RABGAP1L: variants seen among roughly 807,000 people sequenced by gnomAD.
RABGAP1L encodes the protein RAB GTPase activating protein 1 like, also known as rab GTPase-activating protein 1-like.
A neutral mutation model predicts 137.7 loss-of-function variants in RABGAP1L; 63 were observed. The observed-to-expected ratio is 0.46, with a 90% CI of 0.37 to 0.56. The LOEUF (loss-of-function observed/expected upper bound fraction) is 0.56, where lower values mean the gene tolerates loss of function less well. RABGAP1L is among the 20% of genes least tolerant of loss of function. The pLI is 0.00. For synonymous variants in RABGAP1L, 431 were observed against 433.7 expected (o/e 0.99, Z 0.08); for missense variants, 1,095 against 1,244.0 (o/e 0.88, Z 1.80).
chr1:174,971,306 AAATT>A (rs1437408721), intron 21 of RABGAP1L, among the ~76,000 whole-genome samples: 1 of 151,404 alleles, frequency 6.6e-6, no homozygotes, highest in Non-Finnish European at 1.5e-5. Context: ...AATCAGAAAA[AAATT>A]ATTATCTTAA....
intron 12 of RABGAP1L, among the ~76,000 whole-genome samples, chr1:174,383,155 C>T (rs1334109309): frequency 6.6e-6 from 1 of 151,016 alleles, no homozygotes; most frequent in Non-Finnish European, 1.5e-5. Flanking sequence ...GTTCTCAGAT[C>T]TCCAGCTGCG....
chr1:174,464,626 G>A (rs911186740), intron 13 of RABGAP1L, among the ~76,000 whole-genome samples: 4 of 151,716 alleles, frequency 2.6e-5, no homozygotes, highest in Admixed American at 1.3e-4. Flanking sequence ...AGCCCTGTCT[G>A]TTTAATAAAT....
chr1:174,826,008 T>G (rs1439966952), intron 19 of RABGAP1L, among the ~76,000 whole-genome samples: 3 of 152,172 alleles, frequency 2.0e-5, no homozygotes, highest in Admixed American at 6.5e-5. Flanking sequence ...GATAGTGAGC[T>G]TGGTGCGCAA....
chr1:174,808,948 A>C (rs1337325499), intron 18 of RABGAP1L, among the ~76,000 whole-genome samples: 1 of 152,024 alleles, frequency 6.6e-6, no homozygotes, highest in African/African-American at 2.4e-5. Context: ...TGAGCCACCA[A>C]GCACGGCCTC....
At chr1:174,576,398 A>G (rs186015955) in intron 13 of RABGAP1L, among the ~76,000 whole-genome samples, 7 of 152,164 alleles carry the variant, frequency 4.6e-5, no homozygotes, top group South Asian at 4.1e-4. Context: ...TCCCAGAGCT[A>G]TGAACATCTG....
At chr1:174,217,056 A>G (rs1386027321) in intron 1 of RABGAP1L, among the ~76,000 whole-genome samples, 1 of 152,142 alleles carries the variant, frequency 6.6e-6, no homozygotes, top group Non-Finnish European at 1.5e-5. Flanking sequence ...AGACAGAAAA[A>G]TGGATAGATG....
At chr1:174,362,072 A>G (rs542800223) in intron 11 of RABGAP1L, among the ~76,000 whole-genome samples, 1 of 152,238 alleles carries the variant, frequency 6.6e-6, no homozygotes, top group East Asian at 1.9e-4. Context: ...GCTAAGGATG[A>G]TGGTCTCCAT....
At chr1:174,464,025 T>C (rs1657014727) in intron 13 of RABGAP1L, among the ~76,000 whole-genome samples, 1 of 152,212 alleles carries the variant, frequency 6.6e-6, no homozygotes, top group Non-Finnish European at 1.5e-5. Flanking sequence ...AAGTATAATT[T>C]AATATATGAT....
At chr1:174,906,408 A>G (rs190318087) in intron 19 of RABGAP1L, among the ~76,000 whole-genome samples, 3 of 152,270 alleles carry the variant, frequency 2.0e-5, no homozygotes, top group Non-Finnish European at 4.4e-5. Context: ...CAGGCGGATC[A>G]CATGAGGTCA....
intron 13 of RABGAP1L, among the ~76,000 whole-genome samples, chr1:174,431,961 A>G (rs1177010467): frequency 1.3e-5 from 2 of 152,164 alleles, no homozygotes; most frequent in Admixed American, 6.5e-5. Flanking sequence ...TTTTAAAGAA[A>G]TAGTTTCAAC....
intron 19 of RABGAP1L, among the ~76,000 whole-genome samples, chr1:174,813,624 C>A (rs1246434379): frequency 6.6e-6 from 1 of 152,224 alleles, no homozygotes; most frequent in African/African-American, 2.4e-5. Flanking sequence ...TCAAAGAGAT[C>A]ATTTTCCAAA....
chr1:174,731,722 T>G (rs548305435), intron 17 of RABGAP1L, among the ~76,000 whole-genome samples: 1 of 152,330 alleles, frequency 6.6e-6, no homozygotes, highest in East Asian at 1.9e-4. Flanking sequence ...AAGGCTAGAT[T>G]CTATAGGCAT....
chr1:174,722,408 A>G (rs755646745), intron 17 of RABGAP1L, among the ~76,000 whole-genome samples: 1 of 151,954 alleles, frequency 6.6e-6, no homozygotes, highest in Non-Finnish European at 1.5e-5. Flanking sequence ...GTCTCGGAAC[A>G]TGAATATGAC....
At position 174,537,105 on chromosome 1, in the gene RABGAP1L, C is replaced by A. The variant is rs572782103; in HGVS notation, c.1711-100270C>A. On this transcript the variant is annotated intron_variant, in intron 13 of 25. Coordinates refer to ENST00000681986, the MANE Select transcript of RABGAP1L (RefSeq NM_001366446.1). ...TGCCTTTTTTCTCTCCCACACCAAA[C>A]TATAAAGATAATTTCATAAACCTCT... Among the ~76,000 whole-genome samples, 3 of 152,232 alleles carry A rather than the reference C, an allele frequency of 2.0e-5. No homozygotes were observed. The East Asian group carries it at 5.8e-4, about 29-fold the overall frequency.
intron 14 of RABGAP1L, among the ~76,000 whole-genome samples, chr1:174,656,003 T>C (rs1675939274): frequency 6.6e-6 from 1 of 152,224 alleles, no homozygotes; most frequent in Non-Finnish European, 1.5e-5. Flanking sequence ...TAAATATGTT[T>C]ATTGTTATAG....
chr1:174,898,266 G>T (rs1657568333), intron 19 of RABGAP1L, among the ~76,000 whole-genome samples: 1 of 152,204 alleles, frequency 6.6e-6, no homozygotes, highest in South Asian at 2.1e-4. Flanking sequence ...CTGAAGCACA[G>T]ATTAAGTTAC....
chr1:174,645,759 G>T (rs1200954238), intron 14 of RABGAP1L, among the ~76,000 whole-genome samples: 3 of 152,110 alleles, frequency 2.0e-5, no homozygotes, highest in African/African-American at 7.2e-5. Context: ...GGGTCAAATG[G>T]TATTTCTAGT....
chr1:174,740,859 T>C (rs191797523), intron 17 of RABGAP1L, among the ~76,000 whole-genome samples: 1 of 152,288 alleles, frequency 6.6e-6, no homozygotes, highest in African/African-American at 2.4e-5. Flanking sequence ...TGGCTGTTTG[T>C]ATTTATTTTT....
intron 18 of RABGAP1L, among the ~76,000 whole-genome samples, chr1:174,799,581 C>G (rs1211108010): frequency 2.0e-5 from 3 of 152,108 alleles, no homozygotes; most frequent in Non-Finnish European, 2.9e-5. Context: ...CATAAGCTGT[C>G]AGACTAACAC....
Sources: allele counts gnomAD v4.1 joint callset (sites outside exome capture counted in the v4.1 genomes callset), GRCh38; gene constraint gnomAD v4.1.1; transcripts MANE v1.5; gene names NCBI Gene and HGNC (gene_info 2026-07-23, HGNC 2026-07-21).